Variants in GGA2 observed in about 807,000 individuals in gnomAD.
The protein encoded by GGA2 is ADP-ribosylation factor-binding protein GGA2.
GGA2 carries 48 observed loss-of-function variants against 79.5 expected under a neutral mutation model. The observed-to-expected ratio is 0.60, with a 90% CI of 0.48 to 0.77. The LOEUF (loss-of-function observed/expected upper bound fraction) is 0.77, where lower values mean the gene tolerates loss of function less well. Among genes scored for constraint, GGA2 ranks in the 30% least tolerant of loss-of-function variants. GGA2 has a pLI of 0.00. For missense variants in GGA2, 770 were observed against 774.0 expected (o/e 0.99, Z 0.06); for synonymous variants, 317 against 302.0 (o/e 1.05, Z -0.51).
chr16:23,511,149 ATTTTTCTT>A (rs997360177), upstream of GGA2, among the ~76,000 whole-genome samples: 79 of 149,090 alleles, frequency 5.3e-4, no homozygotes, highest in East Asian at 0.011. Context: ...TTTATTTTTT[ATTTTTCTT>A]TTTTTCTTTT....
intron 1 of GGA2, among the ~76,000 whole-genome samples, chr16:23,504,288 G>A (rs1327105271): frequency 6.6e-6 from 1 of 152,182 alleles, no homozygotes; most frequent in Non-Finnish European, 1.5e-5. Context: ...CTTGCGGTGA[G>A]GTCTTCAGTT....
At chr16:23,495,099 A>C (rs1964838712) in intron 2 of GGA2, among the ~76,000 whole-genome samples, 1 of 151,890 alleles carries the variant, frequency 6.6e-6, no homozygotes, top group Admixed American at 6.6e-5. Flanking sequence ...AAAGAAAAGA[A>C]AAGAAAACAA....
chr16:23,502,253 G>A (rs1838405033), intron 1 of GGA2, among the ~76,000 whole-genome samples: 2 of 152,180 alleles, frequency 1.3e-5, no homozygotes, highest in South Asian at 2.1e-4. Flanking sequence ...ACTCTTTGGA[G>A]GGAATCTGTG....
Position 23,492,607 on chromosome 16 carries a change from C to T in GGA2, c.351+753G>A, listed in dbSNP as rs976897177. Reference sequence around the variant, plus strand: ...GCACAGCAGCTCTGTCCCCTCTTGCCCCACCAAGACCTTGCCTATGTATCG... The same window carrying T: ...GCACAGCAGCTCTGTCCCCTCTTGCTCCACCAAGACCTTGCCTATGTATCG... On this transcript the variant is annotated intron_variant, in intron 4 of 16. Coordinates refer to ENST00000309859, the MANE Select transcript of GGA2 (RefSeq NM_015044.4). 3.9e-5 allele frequency among the ~76,000 whole-genome samples: 6 copies of T among 152,110 alleles called. No individual in the cohort carries two copies. The South Asian group carries it at 6.2e-4, about 16-fold the overall frequency.
At chr16:23,476,530 C>A (rs1416231802) in intron 13 of GGA2, among the ~76,000 whole-genome samples, 1 of 152,172 alleles carries the variant, frequency 6.6e-6, no homozygotes, top group Non-Finnish European at 1.5e-5. Flanking sequence ...TGATCAAATA[C>A]ATCCATGCAA....
intron 8 of GGA2, among the ~76,000 whole-genome samples, 157 bp downstream of exon 8, chr16:23,485,858 G>C (rs901262323): frequency 1.3e-5 from 2 of 152,218 alleles, no homozygotes; most frequent in Admixed American, 1.3e-4. Flanking sequence ...GCAAGGGACA[G>C]ACAAAGGGAG....
In GGA2 at chr16:23,480,077, C is replaced by CAAG. The variant is rs1192337192; in HGVS notation, c.1007-193_1007-191dup. ...GCTGGCATCCAAGACAAGAGGGAGC[C>CAAG]AAGGCCTGCCTTCCTACCCCAGGGA... On this transcript the variant is annotated intron_variant, in intron 10 of 16. Transcript: ENST00000309859. Among the ~76,000 whole-genome samples, 3 of 152,300 alleles carry CAAG rather than the reference C, an allele frequency of 2.0e-5. No homozygotes were observed. In the East Asian group the frequency reaches 5.8e-4, roughly 29 times the overall value.
At chr16:23,505,024 T>A (rs936134968) in intron 1 of GGA2, among the ~76,000 whole-genome samples, 1 of 152,092 alleles carries the variant, frequency 6.6e-6, no homozygotes, top group Non-Finnish European at 1.5e-5. Context: ...CAGCCGCCTG[T>A]GCTAGCAAGG....
rs1317270739 is a variant in GGA2 at position 23,505,785 on chromosome 16, T to C, written c.91+4536A>G. On this transcript the variant is annotated intron_variant, in intron 1 of 16. Transcript: ENST00000309859. ...CCCAAGCCAACAGGCGGAAGAACAA[T>C]AACTCTTGCAAATCAATGGGGAAAA... 4.4e-4 allele frequency among the ~76,000 whole-genome samples: 63 copies of C among 142,172 alleles called. 1 individual carries two copies. The Admixed American group carries it at 4.7e-3, about 11-fold the overall frequency. 93.3% of individuals were successfully genotyped at this position (142,172 alleles called of 152,430 possible).
chr16:23,471,919 TA>T (rs1567358273), intron 14 of GGA2, among the ~76,000 whole-genome samples: 2 of 151,256 alleles, frequency 1.3e-5, no homozygotes, highest in African/African-American at 2.4e-5. Context: ...TAAAAAAATT[TA>T]AAAAAAAATT....
chr16:23,465,388 AG>A lies in GGA2; in HGVS notation c.*2201del. 1.4e-6 allele frequency: 1 copy of A among 703,010 alleles called. No homozygotes were observed. The highest frequency in any genetic ancestry group is 2.6e-6 in the Non-Finnish European group (1 of 384,842). The allele number at this position is 703,010 out of a possible 1,614,324, so 43.5% of individuals were successfully genotyped here. On this transcript the variant is annotated 3_prime_UTR_variant, in exon 17 of 17. Transcript: ENST00000309859. ...GATGCCATAAACCACAGCCACTTTC[AG>A]GACAGCAGCCTGCCTCCTCTCCTCC...
In GGA2 at chr16:23,466,231, A is replaced by G. The variant is rs961850974; in HGVS notation, c.*1359T>C. 6.6e-6 allele frequency: 1 copy of G among 152,196 alleles called. No homozygotes were observed. The highest frequency in any genetic ancestry group is 6.5e-5 in the Admixed American group (1 of 15,272). 9.4% of individuals were successfully genotyped at this position (152,196 alleles called of 1,614,324 possible). A position where few individuals can be genotyped will look rare whatever the true frequency, so the allele number is the denominator to read the frequency against. The stretch of plus-strand genomic sequence containing the variant: ...CAGTTTCAAAGGTAGAAACCCACCC[A>G]GCCAGTTCAGCTGCTTGGACTTCAA... On this transcript the variant is annotated 3_prime_UTR_variant, in exon 17 of 17. Transcript: ENST00000309859.
chr16:23,500,751 T>C (rs1314744167), intron 1 of GGA2, among the ~76,000 whole-genome samples: 1 of 152,254 alleles, frequency 6.6e-6, no homozygotes, highest in Non-Finnish European at 1.5e-5. Context: ...ACCCCACTGC[T>C]GTGGAGCCTG....
At chr16:23,520,249 G>T (rs111955950) in intron 1 of GGA2, among the ~76,000 whole-genome samples, 2,155 of 62,380 alleles carry the variant, frequency 0.035, 22 homozygotes, top group African/African-American at 0.05. Context: ...GTGAAACTAC[G>T]TCTCAAAAAA....
chr16:23,510,180 C>T (rs1039256716), intron 1 of GGA2, 141 bp downstream of exon 1: 8 of 413,752 alleles, frequency 1.9e-5, no homozygotes, highest in African/African-American at 4.2e-5. Flanking sequence ...GCGATCTTCC[C>T]CACCGCGCCG....
In GGA2 at chr16:23,465,337, A is replaced by G. The variant is rs1214448291; in HGVS notation, c.*2253T>C. ...GGTAGGAGCTGGGCTCTAAGTGGCC[A>G]CTGGACTTGCTGATTAGAAGGGAGT... On this transcript the variant is annotated 3_prime_UTR_variant, in exon 17 of 17. Transcript: ENST00000309859. 2 of 702,882 alleles carry G rather than the reference A, an allele frequency of 2.8e-6. No homozygotes were observed. The allele number at this position is 702,882 out of a possible 1,614,324, so 43.5% of individuals were successfully genotyped here. A position where few individuals can be genotyped will look rare whatever the true frequency, so the allele number is the denominator to read the frequency against.
chr16:23,477,142 G>A (rs747170177), intron 13 of GGA2, among the ~76,000 whole-genome samples: 2 of 152,068 alleles, frequency 1.3e-5, no homozygotes, highest in Non-Finnish European at 2.9e-5. Flanking sequence ...TGTAGAGATG[G>A]GGTTTTGCCA....
At position 23,507,118 on chromosome 16, in the gene GGA2, G is replaced by A. The variant is rs542588712; in HGVS notation, c.91+3203C>T. Among the ~76,000 whole-genome samples the A allele has an allele frequency of 6.7e-4, 102 of 152,158 alleles. 2 individuals are homozygous for A. The South Asian group carries it at 0.02, about 30-fold the overall frequency. ...CATTCAAGACTCATGAAAAACAGCT[G>A]AGGAGGCCACTGGCTGCACCCTCCC... On this transcript the variant is annotated intron_variant, in intron 1 of 16. Coordinates refer to ENST00000309859, the MANE Select transcript of GGA2 (RefSeq NM_015044.4).
At chr16:23,502,527 G>A (rs2142140909) in intron 1 of GGA2, among the ~76,000 whole-genome samples, 1 of 152,314 alleles carries the variant, frequency 6.6e-6, no homozygotes, top group Middle Eastern at 3.4e-3. Flanking sequence ...CTCAGCAATT[G>A]TCAACAAAAG....
Sources: gnomAD v4.1 joint callset for allele counts (sites outside exome capture counted in the v4.1 genomes callset) on GRCh38, gnomAD v4.1.1 for gene constraint, MANE v1.5 for transcripts, NCBI Gene and HGNC (gene_info 2026-07-23, HGNC 2026-07-21) for gene names.